RELB: variants seen among roughly 807,000 people sequenced by gnomAD.
RELB encodes RELB proto-oncogene, NF-kB subunit, also known as transcription factor RelB.
Under a neutral mutation model 55.4 loss-of-function variants are expected in RELB, and 14 were observed. That is an observed-to-expected ratio of 0.25 (90% confidence interval 0.17 to 0.40). The LOEUF (loss-of-function observed/expected upper bound fraction) is 0.40, where lower values mean the gene tolerates loss of function less well. Ranked by LOEUF, RELB falls within the 10% of genes least tolerant of loss-of-function variation. The pLI is 1.00. For missense variants in RELB, 669 were observed against 830.7 expected (o/e 0.81, Z 2.39); for synonymous variants, 409 against 371.3 (o/e 1.10, Z -1.17).
chr19:45,003,663 A>C, intron 2 of RELB: 1 of 508,424 alleles, frequency 2.0e-6, no homozygotes. Context: ...TCAGTTCCCC[A>C]GTTCAGGCCT....
chr19:45,019,146 CG>C (rs1277154509), intron 4 of RELB, among the ~76,000 whole-genome samples: 1 of 152,142 alleles, frequency 6.6e-6, no homozygotes, highest in African/African-American at 2.4e-5. Context: ...CACTGAAGCC[CG>C]GATCTCCAGG....
At chr19:45,008,082 A>C (rs1971305704) in intron 2 of RELB, among the ~76,000 whole-genome samples, 1 of 150,794 alleles carries the variant, frequency 6.6e-6, no homozygotes, top group South Asian at 2.1e-4. Flanking sequence ...AGACAGGAGA[A>C]TCACTTGAAC....
In RELB at chr19:45,001,749, G is replaced by T. The variant is rs1971213015; in HGVS notation, c.106+64G>T. The stretch of plus-strand genomic sequence containing the variant: ...GGGCTGGAGATGCGGGGATTCTGGC[G>T]GTCCCGGAGTAGTCTGGGGGTTCCT... On this transcript the variant is annotated intron_variant, in intron 1 of 11. Coordinates refer to ENST00000221452, the MANE Select transcript of RELB (RefSeq NM_006509.4). The T allele has an allele frequency of 3.6e-6, 4 of 1,123,956 alleles. No homozygotes were observed. The South Asian group carries it at 5.9e-5, about 17-fold the overall frequency. The allele number at this position is 1,123,956 out of a possible 1,614,324, so 69.6% of individuals were successfully genotyped here.
At chr19:45,036,099 G>T (rs1264108300) in intron 11 of RELB, among the ~76,000 whole-genome samples, 1 of 151,878 alleles carries the variant, frequency 6.6e-6, no homozygotes, top group Non-Finnish European at 1.5e-5. Flanking sequence ...TTTTGAGATA[G>T]TCTTGCCCTG....
intron 3 of RELB, among the ~76,000 whole-genome samples, chr19:45,011,049 A>G (rs1971344462): frequency 6.6e-6 from 1 of 151,984 alleles, no homozygotes; most frequent in South Asian, 2.1e-4. Flanking sequence ...ATGGGGTTTC[A>G]CCATGTTCGC....
chr19:45,037,614 G>A lies in RELB; in HGVS notation c.1564G>A (p.Gly522Arg), dbSNP rs1204772666. Residue 522 changes from glycine to arginine, a missense_variant, in exon 12 of 12, where the codon GGG becomes AGG. By Grantham distance (125) the Gly-to-Arg change is moderately radical. Around this residue, in one of 3 missense-constraint regions of RELB, gnomAD observed 341 missense variants for 436.8 expected, o/e 0.78. Transcript: ENST00000221452. The stretch of plus-strand genomic sequence containing the variant: ...CGCTGTTGTGTGCAGCGGAGGTGCC[G>A]GGGCCGTGGTTGGGGAGACCCCCGG... ...ASAVVCSGGA[G>R]AVVGETPGPE... 12 of 1,603,600 alleles carry A rather than the reference G, an allele frequency of 7.5e-6. No individual in the cohort carries two copies. The highest frequency in any genetic ancestry group is 6.7e-5 in the African/African-American group (5 of 74,330).
At chr19:45,020,588 C>A (rs190423824) in intron 4 of RELB, among the ~76,000 whole-genome samples, 1 of 120,660 alleles carries the variant, frequency 8.3e-6, no homozygotes, top group East Asian at 2.6e-4. Context: ...GACGGAGTCT[C>A]GCTCTGTCGC....
chr19:45,016,031 C>T (rs1971417613), intron 4 of RELB, among the ~76,000 whole-genome samples: 1 of 151,804 alleles, frequency 6.6e-6, no homozygotes, highest in African/African-American at 2.4e-5. Flanking sequence ...TGCAGTCTCG[C>T]TCTGTCACCC....
chr19:45,017,845 A>G (rs1372246892), intron 4 of RELB, among the ~76,000 whole-genome samples: 6 of 150,606 alleles, frequency 4.0e-5, no homozygotes, highest in Non-Finnish European at 7.4e-5. Context: ...GGGTTTTGCC[A>G]TGTTGCCCAG....
Position 45,012,283 on chromosome 19 carries a change from C to T in RELB, c.504+7C>T, listed in dbSNP as rs1971371396. ...GACGCTGCCCGCCATCGAGGTGGGCCCGGCGAGCGGCCCCGGGCGGGTGGG... is the reference window on the plus strand; with the variant it reads ...GACGCTGCCCGCCATCGAGGTGGGCTCGGCGAGCGGCCCCGGGCGGGTGGG... On this transcript the variant is annotated splice_region_variant and intron_variant, in intron 4 of 11. Transcript: ENST00000221452. The T allele has an allele frequency of 1.4e-6, 2 of 1,394,470 alleles. No homozygotes were observed. The highest frequency in any genetic ancestry group is 3.4e-5 in the South Asian group (2 of 58,862). The allele number at this position is 1,394,470 out of a possible 1,614,324, so 86.4% of individuals were successfully genotyped here. A position where few individuals can be genotyped will look rare whatever the true frequency, so the allele number is the denominator to read the frequency against.
intron 2 of RELB, among the ~76,000 whole-genome samples, chr19:45,005,249 T>C (rs1236354580): frequency 2.0e-5 from 3 of 152,134 alleles, no homozygotes; most frequent in Non-Finnish European, 2.9e-5. Context: ...GAGAAATTAT[T>C]TGCATTTTTA....
intron 2 of RELB, among the ~76,000 whole-genome samples, chr19:45,008,022 A>C (rs1241705068): frequency 7.2e-6 from 1 of 139,598 alleles, no homozygotes; most frequent in East Asian, 2.1e-4. Flanking sequence ...AAAAAAAAAA[A>C]AGCCGGGTGT....
rs952136664 is a variant in RELB, at chr19:45,028,587, G to A, written c.887-301G>A. 3.3e-5 allele frequency among the ~76,000 whole-genome samples: 5 copies of A among 152,236 alleles called. No homozygotes were observed. The East Asian group carries it at 9.7e-4, about 29-fold the overall frequency. On this transcript the variant is annotated intron_variant, in intron 7 of 11. Transcript: ENST00000221452. ...GACCTCAAGTGATCCACCTGCCTCG[G>A]CCTCCCAAAGAGCTGGGATTACAGG...
At chr19:45,012,615 A>G (rs952864780) in intron 4 of RELB, among the ~76,000 whole-genome samples, 1 of 151,982 alleles carries the variant, frequency 6.6e-6, no homozygotes, top group Admixed American at 6.6e-5. Flanking sequence ...GTGGTGGCAC[A>G]ATCCCAGCTA....
intron 2 of RELB, among the ~76,000 whole-genome samples, chr19:45,004,387 T>C (rs1335428432): frequency 6.7e-6 from 1 of 149,386 alleles, no homozygotes; most frequent in African/African-American, 2.5e-5. Context: ...CACGCTCAGC[T>C]AATTTTTTGT....
Position 45,028,957 on chromosome 19 carries a change from A to G in RELB, c.956A>G (p.Glu319Gly). The stretch of plus-strand genomic sequence containing the variant: ...GAAAGCGGGCCGTGCACCGGTGGCG[A>G]GGAGCTCTACTTGCTCTGCGACAAG... ...NKESGPCTGGEELYLLCDKVQ... is the reference protein window; with the variant it reads ...NKESGPCTGGGELYLLCDKVQ... Residue 319 changes from glutamate to glycine, a missense_variant, in exon 8 of 12, where the codon GAG becomes GGG. This residue lies in a region of RELB where 341 missense variants were observed against 436.8 expected (regional missense o/e 0.78). Coordinates refer to ENST00000221452, the MANE Select transcript of RELB (RefSeq NM_006509.4). 1.3e-6 allele frequency: 2 copies of G among 1,595,174 alleles called. No individual in the cohort carries two copies. The highest frequency in any genetic ancestry group is 1.7e-6 in the Non-Finnish European group (2 of 1,171,600).
chr19:45,025,787 C>A, intron 7 of RELB, 50 bp downstream of exon 7: 1 of 1,610,464 alleles, frequency 6.2e-7, no homozygotes, highest in South Asian at 1.1e-5. Flanking sequence ...CTGCAGGTGT[C>A]AGAATGTCCC....
chr19:45,034,145 C>T (rs1249098641), intron 9 of RELB, 99 bp from the exon 10 acceptor site: 4 of 972,906 alleles, frequency 4.1e-6, no homozygotes, highest in Non-Finnish European at 3.0e-6. Context: ...GTCAACAGAG[C>T]AAGACTGTCT....
chr19:45,003,914 TG>T lies in RELB; in HGVS notation c.154+919del, dbSNP rs1568395597. Among the ~76,000 whole-genome samples, 171 of 89,040 alleles carry T rather than the reference TG, an allele frequency of 1.9e-3. 8 individuals carry two copies. The highest frequency in any genetic ancestry group is 8.0e-3 in the African/African-American group (161 of 20,008). 58.4% of individuals were successfully genotyped at this position (89,040 alleles called of 152,430 possible). ...GTGGGTTTTTTTTGTCTGTTTTTTG[TG>T]TTTTTTTTTTTTTTTTTTTTTTTTT... On this transcript the variant is annotated intron_variant, in intron 2 of 11. Coordinates refer to ENST00000221452, the MANE Select transcript of RELB (RefSeq NM_006509.4).
Sources: allele counts gnomAD v4.1 joint callset (sites outside exome capture counted in the v4.1 genomes callset), GRCh38; gene constraint gnomAD v4.1.1; regional missense constraint gnomAD v4.1.1; transcripts MANE v1.5; gene names NCBI Gene and HGNC (gene_info 2026-07-23, HGNC 2026-07-21).